The following ARID1B variants were observed in gnomAD, a reference collection of about 807,000 sequenced individuals.
ARID1B encodes AT-rich interactive domain-containing protein 1B.
ARID1B carries 30 observed loss-of-function variants against 212.3 expected under a neutral mutation model. The observed-to-expected ratio is 0.14, with a 90% CI of 0.11 to 0.19. The LOEUF (loss-of-function observed/expected upper bound fraction) is 0.19, where lower values mean the gene tolerates loss of function less well. Ranked by LOEUF, ARID1B falls within the 10% of genes least tolerant of loss-of-function variation. The pLI, the probability that ARID1B is intolerant of heterozygous loss-of-function variation, is 1.00. For synonymous variants in ARID1B, 1,402 were observed against 1,301.7 expected (o/e 1.08, Z -1.66); for missense variants, 2,891 against 3,204.0 (o/e 0.90, Z 2.36).
intron 3 of ARID1B, among the ~76,000 whole-genome samples, chr6:156,918,690 G>A (rs1488204955): frequency 6.6e-6 from 1 of 152,152 alleles, no homozygotes; most frequent in Non-Finnish European, 1.5e-5. Flanking sequence ...GGGTCACTTA[G>A]TGGCTGAGCA....
intron 6 of ARID1B, among the ~76,000 whole-genome samples, chr6:157,125,667 G>A (rs146981270): frequency 2.3e-4 from 35 of 152,308 alleles, no homozygotes; most frequent in African/African-American, 8.2e-4. Context: ...TACTCTCATA[G>A]CACCTGTGCT....
At chr6:157,096,520 T>A (rs1785644691) in intron 5 of ARID1B, among the ~76,000 whole-genome samples, 1 of 152,226 alleles carries the variant, frequency 6.6e-6, no homozygotes, top group Admixed American at 6.5e-5. Flanking sequence ...TTTAGTCCAA[T>A]CTGAAAGAAG....
At chr6:156,933,451 G>A (rs1791918352) in intron 3 of ARID1B, among the ~76,000 whole-genome samples, 1 of 152,164 alleles carries the variant, frequency 6.6e-6, no homozygotes, top group Non-Finnish European at 1.5e-5. Context: ...GGCACCCAGC[G>A]GGAAGTCTGT....
At chr6:157,155,305 G>A (rs1361676206) in intron 8 of ARID1B, among the ~76,000 whole-genome samples, 1 of 152,140 alleles carries the variant, frequency 6.6e-6, no homozygotes, top group Non-Finnish European at 1.5e-5. Flanking sequence ...AGTACGAATT[G>A]TGAATTGTGA....
intron 6 of ARID1B, among the ~76,000 whole-genome samples, chr6:157,123,811 C>T (rs939913815): frequency 6.6e-6 from 1 of 152,218 alleles, no homozygotes; most frequent in Non-Finnish European, 1.5e-5. Flanking sequence ...CACATTTTCT[C>T]GTTTAATCTT....
intron 4 of ARID1B, among the ~76,000 whole-genome samples, chr6:157,084,316 A>G (rs1409379892): frequency 2.6e-5 from 4 of 152,158 alleles, no homozygotes; most frequent in Admixed American, 6.5e-5. Context: ...CCAGCATTCC[A>G]TTCCTATGGT....
At chr6:156,833,288 T>C (rs574641703) in intron 2 of ARID1B, among the ~76,000 whole-genome samples, 93 of 152,330 alleles carry the variant, frequency 6.1e-4, no homozygotes, top group Non-Finnish European at 7.6e-4. Context: ...TTTTGTTTCA[T>C]TTTTCTTATC....
chr6:157,102,016 C>T (rs528190679), intron 5 of ARID1B, among the ~76,000 whole-genome samples: 63 of 152,250 alleles, frequency 4.1e-4, no homozygotes, highest in African/African-American at 1.5e-3. Flanking sequence ...ATTTCTATAT[C>T]TATTAGTATT....
chr6:157,092,246 A>C (rs2128477367), intron 5 of ARID1B, among the ~76,000 whole-genome samples: 1 of 152,326 alleles, frequency 6.6e-6, no homozygotes, highest in Non-Finnish European at 1.5e-5. Context: ...AGCAAATTGT[A>C]TATTTTGTCT....
At chr6:156,880,559 C>T (rs971980326) in intron 2 of ARID1B, among the ~76,000 whole-genome samples, 3 of 151,708 alleles carry the variant, frequency 2.0e-5, no homozygotes, top group Non-Finnish European at 4.4e-5. Context: ...GACAACATGG[C>T]GAAACCCCGT....
intron 3 of ARID1B, among the ~76,000 whole-genome samples, chr6:156,913,648 C>T (rs1233471694): frequency 2.0e-5 from 3 of 152,074 alleles, no homozygotes; most frequent in Non-Finnish European, 4.4e-5. Flanking sequence ...CCAGCCCACC[C>T]CAGCCCGTGG....
At chr6:157,166,944 C>G (rs2128289579) in intron 8 of ARID1B, 96 bp from the exon 9 acceptor site, 1 of 1,478,186 alleles carries the variant, frequency 6.8e-7, no homozygotes, top group Non-Finnish European at 9.1e-7. Context: ...ATAGCCCCAC[C>G]CCTTACATAA....
chr6:156,903,793 A>G (rs192497090), intron 3 of ARID1B, among the ~76,000 whole-genome samples: 76 of 152,312 alleles, frequency 5.0e-4, no homozygotes, highest in Non-Finnish European at 7.6e-4. Flanking sequence ...AACGACCAGA[A>G]CATTTCTTTA....
At chr6:157,140,599 TA>T in intron 7 of ARID1B, 1 of 398,658 alleles carries the variant, frequency 2.5e-6, no homozygotes, top group Non-Finnish European at 4.4e-6. Flanking sequence ...TCTTTTATTG[TA>T]CCCTTTTTAT....
intron 4 of ARID1B, among the ~76,000 whole-genome samples, chr6:156,950,520 T>C (rs1274863537): frequency 1.3e-5 from 2 of 152,242 alleles, no homozygotes; most frequent in African/African-American, 4.8e-5. Context: ...ATAGGAAATA[T>C]ACCTTTTTCA....
intron 5 of ARID1B, among the ~76,000 whole-genome samples, chr6:157,097,961 C>T (rs1785771175): frequency 1.3e-5 from 2 of 152,184 alleles, no homozygotes; most frequent in Admixed American, 1.3e-4. Context: ...ATCTAAAATG[C>T]ACAGCAGTCG....
intron 1 of ARID1B, among the ~76,000 whole-genome samples, chr6:156,802,194 G>C (rs183427225): frequency 9.8e-5 from 15 of 152,326 alleles, no homozygotes; most frequent in Admixed American, 5.9e-4. Flanking sequence ...TTATAGTGTT[G>C]CTATGAGGAA....
chr6:156,817,796 C>T (rs956757647), intron 1 of ARID1B, among the ~76,000 whole-genome samples: 4 of 152,080 alleles, frequency 2.6e-5, no homozygotes, highest in Non-Finnish European at 5.9e-5. Context: ...TTCATCTATC[C>T]ATCTGTTCAT....
chr6:156,837,836 T>A (rs1467273942), intron 2 of ARID1B, among the ~76,000 whole-genome samples: 1 of 152,214 alleles, frequency 6.6e-6, no homozygotes, highest in Non-Finnish European at 1.5e-5. Flanking sequence ...TAATCCAGGC[T>A]TCCTCAGGCC....
Sources: gnomAD v4.1 joint callset for allele counts (sites outside exome capture counted in the v4.1 genomes callset) on GRCh38, gnomAD v4.1.1 for gene constraint, MANE v1.5 for transcripts, NCBI Gene and HGNC (gene_info 2026-07-23, HGNC 2026-07-21) for gene names.